GCFC2: variants seen among roughly 807,000 people sequenced by gnomAD.
GCFC2 encodes the protein GC-rich sequence DNA-binding factor 2.
A neutral mutation model predicts 99.4 loss-of-function variants in GCFC2; 102 were observed. The observed-to-expected ratio is 1.03, with a 90% CI of 0.87 to 1.21. GCFC2 has a LOEUF of 1.21. Ranked by LOEUF, GCFC2 falls within the 50% of genes most tolerant of loss-of-function variation. The pLI is 0.00. For missense variants in GCFC2, 973 were observed against 920.9 expected (o/e 1.06, Z -0.73); for synonymous variants, 338 against 316.8 (o/e 1.07, Z -0.71).
rs1263464252 is a variant in GCFC2, at chr2:75,687,980, T to G, written c.1540-3A>C. On this transcript the variant is annotated splice_region_variant and splice_polypyrimidine_tract_variant and intron_variant, in intron 10 of 16. Transcript: ENST00000321027. ...TCTTTTAAACCTGTGGATTCCAACT[T>G]ACAAAGAAAATTACAAAAGTTATAA... 6.5e-7 allele frequency: 1 copy of G among 1,537,986 alleles called. No individual in the cohort carries two copies. The highest frequency in any genetic ancestry group is 2.2e-5 in the Admixed American group (1 of 45,218).
At chr2:75,679,109 C>G (rs574219558) in intron 12 of GCFC2, among the ~76,000 whole-genome samples, 13 of 152,254 alleles carry the variant, frequency 8.5e-5, no homozygotes, top group African/African-American at 3.1e-4. Context: ...CCCTACTTCT[C>G]CTTTTCACTT....
rs530564605 is a variant in GCFC2 at position 75,665,151 on chromosome 2, ATTTT to A, written c.2229-372_2229-369del. Among the ~76,000 whole-genome samples, 250 of 144,480 alleles carry A rather than the reference ATTTT, an allele frequency of 1.7e-3. 1 individual carries two copies. Among genetic ancestry groups the A allele is most frequent in the African/African-American group, 6.0e-3 (238 of 39,612 alleles). 94.8% of individuals were successfully genotyped at this position (144,480 alleles called of 152,430 possible). On this transcript the variant is annotated intron_variant, in intron 16 of 16. Transcript: ENST00000321027. ...GACATTAGCAAATAATACAAATCTG[ATTTT>A]TTTTTTTTTTAAAGGGACTTGGTCT...
chr2:75,690,793 T>C (rs1432942380), intron 7 of GCFC2, 74 bp from the exon 8 acceptor site: 1 of 763,634 alleles, frequency 1.3e-6, no homozygotes, highest in Non-Finnish European at 2.3e-6. Flanking sequence ...AAAATAAAGG[T>C]AATATCATGG....
intron 3 of GCFC2, 95 bp from the exon 4 acceptor site, chr2:75,701,382 C>G (rs1236187931): frequency 1.5e-6 from 1 of 679,272 alleles, no homozygotes; most frequent in Non-Finnish European, 2.6e-6. Flanking sequence ...AGGCTTAGCA[C>G]CACTTGACGT....
At position 75,669,967 on chromosome 2, in the gene GCFC2, C is replaced by T. The variant is rs139668369; in HGVS notation, c.2103+171G>A. On this transcript the variant is annotated intron_variant, in intron 15 of 16. Transcript: ENST00000321027. Reference sequence around the variant, plus strand: ...CTCAAACTCCTGACCTCACGCAATCCGCCTGCCTCAGCCTCCCAAAGTGCT... The same window carrying T: ...CTCAAACTCCTGACCTCACGCAATCTGCCTGCCTCAGCCTCCCAAAGTGCT... The T allele has an allele frequency of 5.6e-3, 2,511 of 450,052 alleles. 54 individuals carry two copies. Among genetic ancestry groups the T allele is most frequent in the African/African-American group, 0.045 (2,290 of 50,982 alleles). The allele number at this position is 450,052 out of a possible 1,614,324, so 27.9% of individuals were successfully genotyped here.
rs180857353 is a variant in GCFC2 at position 75,681,371 on chromosome 2, G to C, written c.1691-1057C>G. On this transcript the variant is annotated intron_variant, in intron 11 of 16. Coordinates refer to ENST00000321027, the MANE Select transcript of GCFC2 (RefSeq NM_003203.5). The stretch of plus-strand genomic sequence containing the variant: ...TATCTAAGGGATGCCACGAGAAACC[G>C]TGCCAGGAGGAACAGTGCACTCCAG... Among the ~76,000 whole-genome samples, 413 of 149,488 alleles carry C rather than the reference G, an allele frequency of 2.8e-3. 5 individuals are homozygous for C. The highest frequency in any genetic ancestry group is 4.0e-3 in the Non-Finnish European group (270 of 67,970).
chr2:75,701,373 G>A, intron 3 of GCFC2, 86 bp from the exon 4 acceptor site: 1 of 725,160 alleles, frequency 1.4e-6, no homozygotes. Context: ...ATTATACAAA[G>A]GCTTAGCACC....
intron 2 of GCFC2, among the ~76,000 whole-genome samples, chr2:75,705,225 A>G (rs1680790546): frequency 6.6e-6 from 1 of 152,132 alleles, no homozygotes; most frequent in African/African-American, 2.4e-5. Flanking sequence ...TCAGTTCTTA[A>G]TATTGGCTTA....
intron 9 of GCFC2, 32 bp from the exon 10 acceptor site, chr2:75,689,257 T>A: frequency 8.0e-7 from 1 of 1,250,610 alleles, no homozygotes; most frequent in Non-Finnish European, 1.2e-6. Context: ...TTATGCATTT[T>A]AAGTTGTGAA....
In GCFC2 at chr2:75,671,991, G is replaced by A. The variant is rs1679109366; in HGVS notation, c.1915C>T (p.His639Tyr). The A allele has an allele frequency of 6.3e-7, 1 of 1,590,934 alleles. No individual in the cohort carries two copies. Among genetic ancestry groups the A allele is most frequent in the African/African-American group, 1.3e-5 (1 of 74,322 alleles). Residue 639 changes from histidine to tyrosine, a missense_variant, in exon 14 of 17, where the codon CAT becomes TAT. His to Tyr is a moderately conservative substitution (Grantham distance 83). Coordinates refer to ENST00000321027, the MANE Select transcript of GCFC2 (RefSeq NM_003203.5). ...KSAVENKTSPHSKFQERQFWS... is the reference protein window; with the variant it reads ...KSAVENKTSPYSKFQERQFWS... ...AACTGTCTTTCTTGGAACTTTGAAT[G>A]AGGTGATGTTTTGTTTTCTACAGCA...
intron 4 of GCFC2, among the ~76,000 whole-genome samples, chr2:75,698,937 G>C (rs1268615436): frequency 6.6e-6 from 1 of 151,758 alleles, no homozygotes; most frequent in East Asian, 1.9e-4. Context: ...GCTTGAACCT[G>C]GGAAGTGGAG....
chr2:75,693,036 A>G (rs187475995), intron 6 of GCFC2, among the ~76,000 whole-genome samples: 1 of 152,336 alleles, frequency 6.6e-6, no homozygotes, highest in African/African-American at 2.4e-5. Flanking sequence ...GAAAAAAGAA[A>G]ATTACATTGT....
chr2:75,710,202 A>C (rs971368014), intron 1 of GCFC2, among the ~76,000 whole-genome samples: 5 of 152,242 alleles, frequency 3.3e-5, no homozygotes, highest in Admixed American at 3.3e-4. Flanking sequence ...AAGTTGGTCA[A>C]GTGTCTAAAA....
At chr2:75,705,369 A>T (rs555522810) in intron 2 of GCFC2, among the ~76,000 whole-genome samples, 23 of 152,032 alleles carry the variant, frequency 1.5e-4, no homozygotes, top group Non-Finnish European at 2.8e-4. Flanking sequence ...CACGTCTGTA[A>T]TCCCAGCACT....
At chr2:75,706,433 G>A (rs1382243474) in intron 2 of GCFC2, 90 bp downstream of exon 2, 1 of 808,360 alleles carries the variant, frequency 1.2e-6, no homozygotes, top group Non-Finnish European at 1.9e-6. Context: ...CTTGCCCCAT[G>A]TCACTAGAGT....
At chr2:75,673,077 A>G (rs561217504) in intron 13 of GCFC2, among the ~76,000 whole-genome samples, 3,013 of 152,130 alleles carry the variant, frequency 0.02, 41 homozygotes, top group South Asian at 0.033. Flanking sequence ...TTGGGAGGCC[A>G]AGGCGGGCGG....
Position 75,674,287 on chromosome 2 carries a change from A to T in GCFC2, c.1813-767T>A, listed in dbSNP as rs114950949. Reference sequence around the variant, plus strand: ...CCTTTGTTGGAAAATCCACTTAGGGAAATCCATTTTGTTTGTACATAAAAA... The same window carrying T: ...CCTTTGTTGGAAAATCCACTTAGGGTAATCCATTTTGTTTGTACATAAAAA... On this transcript the variant is annotated intron_variant, in intron 12 of 16. Coordinates refer to ENST00000321027, the MANE Select transcript of GCFC2 (RefSeq NM_003203.5). Among the ~76,000 whole-genome samples the T allele has an allele frequency of 1.8e-3, 269 of 152,314 alleles. 1 individual carries two copies. Among genetic ancestry groups the T allele is most frequent in the African/African-American group, 5.1e-3 (212 of 41,568 alleles).
chr2:75,669,774 C>T (rs529904883), intron 15 of GCFC2, among the ~76,000 whole-genome samples: 4 of 152,054 alleles, frequency 2.6e-5, no homozygotes, highest in African/African-American at 9.7e-5. Flanking sequence ...CTCTTGTCAC[C>T]CAGGCTGGAG....
intron 13 of GCFC2, among the ~76,000 whole-genome samples, chr2:75,672,470 T>G (rs1278565950): frequency 6.6e-6 from 1 of 151,896 alleles, no homozygotes; most frequent in African/African-American, 2.4e-5. Context: ...AATTTTTACA[T>G]GTAGACATCT....
Sources: allele counts gnomAD v4.1 joint callset (sites outside exome capture counted in the v4.1 genomes callset), GRCh38; gene constraint gnomAD v4.1.1; transcripts MANE v1.5; gene names NCBI Gene and HGNC (gene_info 2026-07-23, HGNC 2026-07-21).